Variants in S100PBP observed in about 807,000 individuals in gnomAD.
S100PBP encodes the protein S100P-binding protein.
S100PBP carries 15 observed loss-of-function variants against 39.9 expected under a neutral mutation model. The observed-to-expected ratio is 0.38, with a 90% CI of 0.25 to 0.58. S100PBP has a LOEUF of 0.58. S100PBP is among the 20% of genes least tolerant of loss of function. S100PBP has a pLI of 0.70. For missense variants in S100PBP, 504 were observed against 487.3 expected (o/e 1.03, Z -0.32); for synonymous variants, 178 against 180.3 (o/e 0.99, Z 0.10).
At chr1:32,830,134 C>T (rs1639530872) in intron 5 of S100PBP, 67 bp downstream of exon 5, 2 of 946,878 alleles carry the variant, frequency 2.1e-6, no homozygotes, top group African/African-American at 1.7e-5. Context: ...GGTGTAACAG[C>T]TTAAACTGGG....
intron 2 of S100PBP, among the ~76,000 whole-genome samples, chr1:32,825,721 A>G (rs1639291681): frequency 6.6e-6 from 1 of 152,188 alleles, no homozygotes; most frequent in Non-Finnish European, 1.5e-5. Flanking sequence ...GCTACTTTGA[A>G]CATCCATGTA....
Position 32,855,989 on chromosome 1 carries a change from T to C in S100PBP, c.1178T>C (p.Met393Thr). 6.2e-7 allele frequency: 1 copy of C among 1,613,774 alleles called. No individual in the cohort carries two copies. The highest frequency in any genetic ancestry group is 8.5e-7 in the Non-Finnish European group (1 of 1,179,778). Reference protein sequence around the residue: ...YSLTQWVDRNMRSHHRFQRLP... With the variant: ...YSLTQWVDRNTRSHHRFQRLP... ...CTGACTCAGTGGGTTGACAGGAACA[T>C]GCGAAGCCACCATCGGTTCCAGCGT... is the stretch of plus-strand genomic sequence containing the variant. The change falls in exon 7 of 7, where the codon ATG (methionine) becomes ACG (threonine). Residue 393 changes from methionine (M) to threonine (T), a missense_variant. Met to Thr is a moderately conservative substitution (Grantham distance 81, BLOSUM62 -1). Transcript: ENST00000373475.
At chr1:32,837,174 A>AG (rs1212522616) in intron 5 of S100PBP, 4 of 150,840 alleles carry the variant, frequency 2.7e-5, no homozygotes, top group Non-Finnish European at 5.9e-5. Context: ...AAAAAAAAAA[A>AG]AAAAGAAATT....
Position 32,820,948 on chromosome 1 carries a change from C to T in S100PBP, c.-120+3259C>T, listed in dbSNP as rs767842953. ...CTATGATCACGCCACTGTTTTCTGC[C>T]TGGGCAACAAACCTGAGACCCTGTC... is the stretch of plus-strand genomic sequence containing the variant. On this transcript the variant is annotated intron_variant, in intron 1 of 6. Transcript: ENST00000373475. Among the ~76,000 whole-genome samples, 9 of 152,180 alleles carry T rather than the reference C, an allele frequency of 5.9e-5. No homozygotes were observed. In the South Asian group the frequency reaches 6.2e-4, roughly 10 times the overall value.
At chr1:32,846,442 C>T (rs1304594913) in intron 5 of S100PBP, among the ~76,000 whole-genome samples, 1 of 150,926 alleles carries the variant, frequency 6.6e-6, no homozygotes, top group Non-Finnish European at 1.5e-5. Context: ...TCCCATATGG[C>T]TGGATTTAAA....
chr1:32,844,344 C>T (rs1354626914), intron 5 of S100PBP, among the ~76,000 whole-genome samples: 2 of 152,188 alleles, frequency 1.3e-5, no homozygotes, highest in Admixed American at 1.3e-4. Flanking sequence ...AGCCATTGTG[C>T]CCGAACCTGT....
intron 6 of S100PBP, among the ~76,000 whole-genome samples, chr1:32,853,732 C>T (rs2148699933): frequency 6.6e-6 from 1 of 152,134 alleles, no homozygotes; most frequent in South Asian, 2.1e-4. Context: ...CCCGTCGCTA[C>T]AAAAAATACA....
At chr1:32,832,584 G>C (rs749628396) in intron 5 of S100PBP, among the ~76,000 whole-genome samples, 2 of 151,926 alleles carry the variant, frequency 1.3e-5, no homozygotes, top group African/African-American at 2.4e-5. Flanking sequence ...CCATTGCCCA[G>C]TATTCCTACA....
intron 5 of S100PBP, among the ~76,000 whole-genome samples, chr1:32,843,417 C>T (rs556483939): frequency 1.0e-3 from 154 of 151,590 alleles, no homozygotes; most frequent in African/African-American, 3.4e-3. Context: ...ACCTCAGCCT[C>T]CTGAGTAGCT....
chr1:32,832,102 C>G (rs2148656258), intron 5 of S100PBP, among the ~76,000 whole-genome samples: 1 of 152,308 alleles, frequency 6.6e-6, no homozygotes, highest in East Asian at 1.9e-4. Flanking sequence ...CTTGGCACCA[C>G]TGCTTACTGG....
At chr1:32,827,314 C>G (rs1000937739) in intron 3 of S100PBP, among the ~76,000 whole-genome samples, 1 of 152,066 alleles carries the variant, frequency 6.6e-6, no homozygotes, top group African/African-American at 2.4e-5. Context: ...TTTTTCTTGT[C>G]TTTGGGCTTC....
intron 5 of S100PBP, chr1:32,834,063 TA>T: frequency 3.0e-6 from 1 of 330,446 alleles, no homozygotes; most frequent in Non-Finnish European, 6.3e-6. Context: ...AATTGCTGGG[TA>T]AAGTATATAA....
Position 32,826,884 on chromosome 1 carries a change from C to T in S100PBP, c.785C>T (p.Ser262Leu). ...TGCAGAAATGGTGGTTCACACAAGTCAAGTTGTGAAATGAGATCTCTGGTT... is the reference window on the plus strand; with the variant it reads ...TGCAGAAATGGTGGTTCACACAAGTTAAGTTGTGAAATGAGATCTCTGGTT... ...LSCRNGGSHKSSCEMRSLVVS... is the reference protein window; with the variant it reads ...LSCRNGGSHKLSCEMRSLVVS... Residue 262 changes from serine to leucine, a missense_variant, in exon 3 of 7, where the codon TCA becomes TTA. Physicochemically the swap from Ser to Leu is moderately radical, Grantham distance 145 (BLOSUM62 -2). Transcript: ENST00000373475. The T allele has an allele frequency of 1.2e-6, 2 of 1,606,424 alleles. No individual in the cohort carries two copies. The highest frequency in any genetic ancestry group is 1.7e-6 in the Non-Finnish European group (2 of 1,177,556).
intron 1 of S100PBP, among the ~76,000 whole-genome samples, chr1:32,820,234 C>T (rs952296533): frequency 8.6e-5 from 13 of 151,152 alleles, no homozygotes; most frequent in African/African-American, 3.2e-4. Context: ...GCAACCTCCG[C>T]TTCCTGGGTT....
intron 5 of S100PBP, among the ~76,000 whole-genome samples, chr1:32,840,201 GGC>G (rs1249155511): frequency 6.6e-6 from 1 of 152,152 alleles, no homozygotes; most frequent in East Asian, 1.9e-4. Context: ...GGCCAGGCTG[GGC>G]TTGAACTCCT....
intron 5 of S100PBP, among the ~76,000 whole-genome samples, chr1:32,852,445 A>G (rs1001695778): frequency 6.6e-6 from 1 of 152,160 alleles, no homozygotes; most frequent in African/African-American, 2.4e-5. Context: ...TGTCTAGTAC[A>G]TTGCTAGGAT....
At chr1:32,846,822 C>A (rs1300011043) in intron 5 of S100PBP, 1 of 151,380 alleles carries the variant, frequency 6.6e-6, no homozygotes, top group Non-Finnish European at 1.5e-5. Context: ...ACTCTTGTCG[C>A]CCAGGCTGTA....
intron 5 of S100PBP, among the ~76,000 whole-genome samples, chr1:32,845,358 C>T (rs1640318674): frequency 6.6e-6 from 1 of 151,972 alleles, no homozygotes; most frequent in Non-Finnish European, 1.5e-5. Context: ...TGGGAGGAAC[C>T]CTTGAACCCA....
Position 32,826,778 on chromosome 1 carries a change from A to G in S100PBP, c.679A>G (p.Asn227Asp), listed in dbSNP as rs1198018384. 6.2e-7 allele frequency: 1 copy of G among 1,614,012 alleles called. No homozygotes were observed. Among genetic ancestry groups the G allele is most frequent in the Non-Finnish European group, 8.5e-7 (1 of 1,180,014 alleles). Reference sequence around the variant, plus strand: ...CTTTCAACAGACTGTCTCTGATAAAAATATGCCTGACAGTGAGAACCCTAC... The same window carrying G: ...CTTTCAACAGACTGTCTCTGATAAAGATATGCCTGACAGTGAGAACCCTAC... ...NNFQQTVSDK[N>D]MPDSENPTSV... Residue 227 changes from asparagine to aspartate, a missense_variant, in exon 3 of 7, where the codon AAT (asparagine) becomes GAT (aspartate). Transcript: ENST00000373475.
Sources: gnomAD v4.1 joint callset for allele counts (sites outside exome capture counted in the v4.1 genomes callset) on GRCh38, gnomAD v4.1.1 for gene constraint, MANE v1.5 for transcripts, NCBI Gene and HGNC (gene_info 2026-07-23, HGNC 2026-07-21) for gene names.